The following PRPF31 variants were observed in gnomAD, a reference collection of about 807,000 sequenced individuals.
PRPF31 encodes the protein U4/U6 small nuclear ribonucleoprotein Prp31.
A neutral mutation model predicts 60.4 loss-of-function variants in PRPF31; 12 were observed. That is an observed-to-expected ratio of 0.20 (90% CI 0.13 to 0.32). PRPF31 has a LOEUF of 0.32. Ranked by LOEUF, PRPF31 falls within the 10% of genes least tolerant of loss-of-function variation. PRPF31 has a pLI of 1.00. For synonymous variants in PRPF31, 287 were observed against 287.9 expected (o/e 1.00, Z 0.03); for missense variants, 431 against 687.1 (o/e 0.63, Z 4.17).
At chr19:54,126,381 G>A in intron 8 of PRPF31, 147 bp from the exon 9 acceptor site, 1 of 733,180 alleles carries the variant, frequency 1.4e-6, no homozygotes, top group Non-Finnish European at 2.4e-6. Context: ...AGTAGGAGCT[G>A]AGAGCACACA....
In PRPF31 at chr19:54,124,505, C is replaced by A; in HGVS notation, c.704C>A (p.Ala235Asp). Reference sequence around the variant, plus strand: ...TCCCTCCCTCCCACCGCAGGTGTGGCCGGCGGCCTGACCAACCTCTCCAAG... The same window carrying A: ...TCCCTCCCTCCCACCGCAGGTGTGGACGGCGGCCTGACCAACCTCTCCAAG... ...ASTAAKIMGVAGGLTNLSKMP... is the reference protein window; with the variant it reads ...ASTAAKIMGVDGGLTNLSKMP... The change falls in exon 8 of 14, where the codon GCC becomes GAC. Residue 235 changes from alanine (A) to aspartate (D), a missense_variant. By Grantham distance (126) the Ala-to-Asp change is moderately radical. Around this residue, in one of 4 missense-constraint regions of PRPF31, gnomAD observed 314 missense variants for 475.3 expected, o/e 0.66. Coordinates refer to ENST00000321030, the MANE Select transcript of PRPF31 (RefSeq NM_015629.4). The A allele has an allele frequency of 6.3e-7, 1 of 1,592,308 alleles. No homozygotes were observed. The highest frequency in any genetic ancestry group is 8.5e-7 in the Non-Finnish European group (1 of 1,170,624).
Position 54,129,127 on chromosome 19 carries a change from G to T in PRPF31, c.1217G>T (p.Arg406Leu). The part of the protein sequence containing the change: ...LGHLGKSGSG[R>L]VRQTQVNEAT... ...CACCTGGGCAAGTCGGGCAGTGGGCGTGTGCGGCAGACACAGGTAAACGAG... is the reference window on the plus strand; with the variant it reads ...CACCTGGGCAAGTCGGGCAGTGGGCTTGTGCGGCAGACACAGGTAAACGAG... The change falls in exon 12 of 14, where the codon CGT becomes CTT. Residue 406 changes from arginine (R) to leucine (L), a missense_variant. Physicochemically the swap from Arg to Leu is moderately radical, Grantham distance 102 (BLOSUM62 -2). Transcript: ENST00000321030. The T allele has an allele frequency of 6.3e-7, 1 of 1,582,050 alleles. No individual in the cohort carries two copies. Among genetic ancestry groups the T allele is most frequent in the East Asian group, 2.3e-5 (1 of 43,736 alleles).
chr19:54,127,955 G>C (rs2146442874), intron 9 of PRPF31, 118 bp from the exon 10 acceptor site: 1 of 1,373,492 alleles, frequency 7.3e-7, no homozygotes, highest in South Asian at 1.2e-5. Flanking sequence ...GTGGCGGTGA[G>C]GCAGCATTAG....
chr19:54,118,166 GT>G (rs1160871012), intron 1 of PRPF31, 104 bp from the exon 2 acceptor site: 127 of 1,517,406 alleles, frequency 8.4e-5, no homozygotes, highest in Non-Finnish European at 1.1e-4. Flanking sequence ...TGCTAGTGGG[GT>G]TGATAAAGAA....
chr19:54,122,244 C>A, intron 4 of PRPF31: 1 of 622,108 alleles, frequency 1.6e-6, no homozygotes. Context: ...ATCACCTCCG[C>A]ATTCCCACCA....
intron 8 of PRPF31, 76 bp from the exon 9 acceptor site, chr19:54,126,452 G>C: frequency 7.2e-7 from 1 of 1,390,062 alleles, no homozygotes; most frequent in South Asian, 1.2e-5. Context: ...CAGAGGAGGA[G>C]CGCGCGCGGT....
chr19:54,120,958 G>C (rs1459233001), intron 3 of PRPF31, among the ~76,000 whole-genome samples: 1 of 152,084 alleles, frequency 6.6e-6, no homozygotes, highest in African/African-American at 2.4e-5. Flanking sequence ...AAACAGACGT[G>C]GGGTAAGGGA....
intron 9 of PRPF31, among the ~76,000 whole-genome samples, chr19:54,127,369 G>A (rs1252524075): frequency 2.0e-5 from 3 of 152,082 alleles, no homozygotes; most frequent in African/African-American, 7.2e-5. Flanking sequence ...CTCTGCTTCT[G>A]TCTTCATATC....
In PRPF31 at chr19:54,123,243, C is replaced by T. The variant is rs587667206; in HGVS notation, c.421-211C>T. On this transcript the variant is annotated intron_variant, in intron 5 of 13. Transcript: ENST00000321030. ...TGCCCGGGCTCCGTTTCCAGGTCAG[C>T]GAAAGCAGGGCAGATGGTGTGGATG... 4.2e-5 allele frequency: 26 copies of T among 615,630 alleles called. 1 individual carries two copies. The highest frequency in any genetic ancestry group is 2.8e-4 in the African/African-American group (15 of 54,454). The allele number at this position is 615,630 out of a possible 1,614,324, so 38.1% of individuals were successfully genotyped here. A position where few individuals can be genotyped will look rare whatever the true frequency, so the allele number is the denominator to read the frequency against.
At chr19:54,122,238 C>T (rs2073809784) in intron 4 of PRPF31, 3 of 619,856 alleles carry the variant, frequency 4.8e-6, no homozygotes, top group East Asian at 2.7e-5. Context: ...CCAGCCATCA[C>T]CTCCGCATTC....
intron 5 of PRPF31, 76 bp downstream of exon 5, chr19:54,122,670 A>C: frequency 1.6e-6 from 2 of 1,220,410 alleles, no homozygotes; most frequent in Non-Finnish European, 2.4e-6. Context: ...CCCCTCCCAG[A>C]GGCCTGAGGG....
intron 8 of PRPF31, among the ~76,000 whole-genome samples, chr19:54,125,686 C>A (rs1166429969): frequency 1.3e-5 from 2 of 152,182 alleles, no homozygotes; most frequent in Non-Finnish European, 2.9e-5. Flanking sequence ...CACCCCCCAG[C>A]CCTGTGTGGG....
At position 54,123,767 on chromosome 19, in the gene PRPF31, G is replaced by A. The variant is rs772634233; in HGVS notation, c.546G>A (p.Glu182=). ...CCTGCAGGCAGCAGCTGTCGGAGGA[G>A]GAGCTGGAGCGGCTGGAGGAGGCCT... is the stretch of plus-strand genomic sequence containing the variant. ...STTQGQQLSE[E]ELERLEEACD... is the part of the protein sequence containing the mutation. The change falls in exon 7 of 14, where the codon GAG becomes GAA. Residue 182 remains glutamate, a synonymous_variant. Transcript: ENST00000321030. 1.1e-5 allele frequency: 18 copies of A among 1,611,292 alleles called. No homozygotes were observed. The East Asian group carries it at 3.6e-4, about 32-fold the overall frequency.
intron 5 of PRPF31, 161 bp from the exon 6 acceptor site, chr19:54,123,293 G>T: frequency 1.4e-6 from 1 of 699,846 alleles, no homozygotes; most frequent in Non-Finnish European, 2.6e-6. Context: ...GGCAGGAATG[G>T]TGTGGATGCT....
At chr19:54,130,213 G>T (rs2074018899) in intron 13 of PRPF31, among the ~76,000 whole-genome samples, 1 of 142,664 alleles carries the variant, frequency 7.0e-6, no homozygotes, top group Admixed American at 6.9e-5. Context: ...GTCCAGTGTA[G>T]GAGAAGGCAG....
Position 54,126,500 on chromosome 19 carries a change from ATTCCACCCCCGTT to A in PRPF31, c.856-23_856-11del, listed in dbSNP as rs2073924320. On this transcript the variant is annotated splice_polypyrimidine_tract_variant and intron_variant, in intron 8 of 13. Coordinates refer to ENST00000321030, the MANE Select transcript of PRPF31 (RefSeq NM_015629.4). ...ACCTCTGTCTGTCTGTCTCACACAG[ATTCCACCCCCGTT>A]TTCCGTTGCTCCAGGATCTGCGGCG... The A allele has an allele frequency of 1.2e-6, 2 of 1,604,122 alleles. No individual in the cohort carries two copies.
intron 13 of PRPF31, among the ~76,000 whole-genome samples, chr19:54,130,015 C>T (rs1218169608): frequency 3.3e-5 from 5 of 152,052 alleles, no homozygotes; most frequent in South Asian, 2.1e-4. Flanking sequence ...GGTGGCCGGG[C>T]GCAGACAGCT....
chr19:54,128,273 C>T lies in PRPF31; in HGVS notation c.1074-32C>T, dbSNP rs759533872. ...AAGCCGGCGTCCTCCTCCCAGCCGA[C>T]TCCCTGGCGCCGCCCACCCACCCGT... On this transcript the variant is annotated intron_variant, in intron 10 of 13. Coordinates refer to ENST00000321030, the MANE Select transcript of PRPF31 (RefSeq NM_015629.4). 13 of 1,552,186 alleles carry T rather than the reference C, an allele frequency of 8.4e-6. No homozygotes were observed. The African/African-American group carries it at 1.6e-4, about 19-fold the overall frequency.
chr19:54,130,542 G>T (rs1397350192), intron 13 of PRPF31, among the ~76,000 whole-genome samples: 1 of 152,034 alleles, frequency 6.6e-6, no homozygotes, highest in African/African-American at 2.4e-5. Context: ...GGAGAATGGC[G>T]TGAACCCGGG....
Sources: allele counts gnomAD v4.1 joint callset (sites outside exome capture counted in the v4.1 genomes callset), GRCh38; gene constraint gnomAD v4.1.1; regional missense constraint gnomAD v4.1.1; transcripts MANE v1.5; gene names NCBI Gene and HGNC (gene_info 2026-07-23, HGNC 2026-07-21).